The following RPS6KA2 variants were observed in gnomAD, a reference collection of about 807,000 sequenced individuals.
RPS6KA2 encodes the protein ribosomal protein S6 kinase A2.
RPS6KA2 carries 42 observed loss-of-function variants against 91.8 expected under a neutral mutation model. The observed-to-expected ratio is 0.46, with a 90% confidence interval of 0.36 to 0.59. The LOEUF (loss-of-function observed/expected upper bound fraction) is 0.59. Among genes scored for constraint, RPS6KA2 ranks in the 20% least tolerant of loss-of-function variants. The pLI is 0.00. For missense variants in RPS6KA2, 798 were observed against 978.5 expected (o/e 0.82, Z 2.46); for synonymous variants, 414 against 393.6 (o/e 1.05, Z -0.61).
rs1786876887 is a variant in RPS6KA2 at position 166,626,400 on chromosome 6, C to T, written c.99+521G>A. Among the ~76,000 whole-genome samples, 1 of 152,240 alleles carries T rather than the reference C, an allele frequency of 6.6e-6. No homozygotes were observed. The highest frequency in any genetic ancestry group is 2.4e-5 in the African/African-American group (1 of 41,472). On this transcript the variant is annotated intron_variant, in intron 1 of 20. Transcript: ENST00000265678. The surrounding 1 kb of genome is among the most constrained non-coding windows in gnomAD (Gnocchi z 4.1). ...ACGCCTAAGCAGATTGTGCTGCTGC[C>T]TGTTCTTCCCCGTTCTGTGAATTCT...
chr6:166,420,721 G>A lies in RPS6KA2; in HGVS notation c.1744-763C>T, dbSNP rs138878034. Among the ~76,000 whole-genome samples, 699 of 152,208 alleles carry A rather than the reference G, an allele frequency of 4.6e-3. 3 individuals are homozygous for A. The highest frequency in any genetic ancestry group is 0.024 in the Middle Eastern group (7 of 294). ...CATGGGTGGACACATGTCTCTTTGC[G>A]TCCCTGCCTTCAATTCTTTTGGGTA... On this transcript the variant is annotated intron_variant, in intron 17 of 20. Coordinates refer to ENST00000265678, the MANE Select transcript of RPS6KA2 (RefSeq NM_021135.6).
intron 2 of RPS6KA2, among the ~76,000 whole-genome samples, chr6:166,749,732 T>C (rs1320342473): frequency 1.7e-5 from 1 of 59,284 alleles, no homozygotes; most frequent in African/African-American, 9.0e-5. Context: ...CCCCATCCCC[T>C]TGGGCCCCTC....
At chr6:166,718,647 T>C (rs540221629) in intron 2 of RPS6KA2, among the ~76,000 whole-genome samples, 2 of 152,174 alleles carry the variant, frequency 1.3e-5, no homozygotes, top group African/African-American at 2.4e-5. Context: ...AATGAGGACA[T>C]GCACCCGAGA....
intron 9 of RPS6KA2, among the ~76,000 whole-genome samples, chr6:166,489,344 G>A (rs192839081): frequency 1.3e-3 from 200 of 152,316 alleles, no homozygotes; most frequent in African/African-American, 4.4e-3. Flanking sequence ...ACTTGGGTGC[G>A]TCTCTTCCTG....
rs147543941 is a variant in RPS6KA2, at chr6:166,556,169, G to A, written c.100-17385C>T. Among the ~76,000 whole-genome samples the A allele has an allele frequency of 1.2e-3, 184 of 152,278 alleles. 1 individual carries two copies. Among genetic ancestry groups the A allele is most frequent in the African/African-American group, 4.4e-3 (182 of 41,564 alleles). ...CTCTTTCTCTCTTCTGCAAAGTCCT[G>A]GATGGGCAGGAAATCAGGTGGCTCT... On this transcript the variant is annotated intron_variant, in intron 1 of 20. Transcript: ENST00000265678.
rs554334104 is a variant in RPS6KA2, at chr6:166,436,485, C to T, written c.1333-3995G>A. Among the ~76,000 whole-genome samples, 51 of 152,302 alleles carry T rather than the reference C, an allele frequency of 3.3e-4. No homozygotes were observed. In the Middle Eastern group the frequency reaches 0.01, roughly 30 times the overall value. ...CCTGGCTCTCAATGCCAAAGAGCTG[C>T]GCAGGGTCAGTCACAGGACCAGAAG... On this transcript the variant is annotated intron_variant, in intron 14 of 20. Coordinates refer to ENST00000265678, the MANE Select transcript of RPS6KA2 (RefSeq NM_021135.6).
intron 2 of RPS6KA2, among the ~76,000 whole-genome samples, chr6:166,652,155 G>C (rs1431214656): frequency 6.6e-6 from 1 of 152,234 alleles, no homozygotes; most frequent in African/African-American, 2.4e-5. Flanking sequence ...TTATCTCATA[G>C]AAGAAAAACA....
intron 13 of RPS6KA2, among the ~76,000 whole-genome samples, chr6:166,450,628 AG>A (rs1449479918): frequency 7.5e-5 from 10 of 132,950 alleles, no homozygotes; most frequent in African/African-American, 2.9e-4. Flanking sequence ...AGACCACCAC[AG>A]GGACCACCCC....
rs1176939320 is a variant in RPS6KA2, at chr6:166,557,077, G to T, written c.100-18293C>A. Among the ~76,000 whole-genome samples, 1 of 152,172 alleles carries T rather than the reference G, an allele frequency of 6.6e-6. No homozygotes were observed. Among genetic ancestry groups the T allele is most frequent in the African/African-American group, 2.4e-5 (1 of 41,424 alleles). ...GGGCTGACTCATCACATCCCGCCTC[G>T]CCAAACACGTTTTCTCTTCCTGTTA... On this transcript the variant is annotated intron_variant, in intron 1 of 20. Transcript: ENST00000265678. This position sits in a 1 kb window ranked among gnomAD's most constrained non-coding sequence, Gnocchi z 4.8.
intron 2 of RPS6KA2, among the ~76,000 whole-genome samples, chr6:166,829,819 A>G (rs1285169049): frequency 6.6e-6 from 1 of 151,956 alleles, no homozygotes; most frequent in Non-Finnish European, 1.5e-5. Context: ...TTAAGAAGAA[A>G]AGGAATTTGT....
chr6:166,586,699 G>A (rs1457572681), intron 1 of RPS6KA2, among the ~76,000 whole-genome samples: 1 of 152,134 alleles, frequency 6.6e-6, no homozygotes, highest in Admixed American at 6.5e-5. Context: ...TTTTAATAAG[G>A]CCCATGAACT....
At chr6:166,486,503 G>A (rs1233230411) in intron 10 of RPS6KA2, among the ~76,000 whole-genome samples, 1 of 152,244 alleles carries the variant, frequency 6.6e-6, no homozygotes, top group African/African-American at 2.4e-5. Context: ...AGCTGCCTCT[G>A]TCTGGGTGAC....
At chr6:166,589,517 G>C (rs1034989502) in intron 1 of RPS6KA2, among the ~76,000 whole-genome samples, 12 of 152,184 alleles carry the variant, frequency 7.9e-5, no homozygotes, top group Admixed American at 7.9e-4. Context: ...CCTTAGAATT[G>C]AAATCAGTTG....
intron 11 of RPS6KA2, among the ~76,000 whole-genome samples, chr6:166,464,333 T>C (rs985035686): frequency 6.6e-6 from 1 of 152,146 alleles, no homozygotes; most frequent in Non-Finnish European, 1.5e-5. Flanking sequence ...GTTTCTCCCA[T>C]CTCACAGCAT....
chr6:166,813,251 A>G (rs1177410881), intron 2 of RPS6KA2, among the ~76,000 whole-genome samples: 2 of 152,196 alleles, frequency 1.3e-5, no homozygotes, highest in African/African-American at 4.8e-5. Context: ...GTCCCACAGC[A>G]GCAGCCAGGG....
chr6:166,661,902 C>T (rs983895130), intron 2 of RPS6KA2, among the ~76,000 whole-genome samples: 6 of 152,134 alleles, frequency 3.9e-5, no homozygotes, highest in Non-Finnish European at 8.8e-5. Context: ...TTACCCATAG[C>T]CAACTTTCCC....
chr6:166,840,155 T>C (rs1033770030), intron 2 of RPS6KA2, among the ~76,000 whole-genome samples: 1 of 152,154 alleles, frequency 6.6e-6, no homozygotes, highest in Non-Finnish European at 1.5e-5. Flanking sequence ...CTCCAGCTGC[T>C]GTGTGCCTGT....
At chr6:166,787,852 C>T (rs9459753) in intron 2 of RPS6KA2, among the ~76,000 whole-genome samples, 45,149 of 151,358 alleles carry the variant, frequency 0.3, 6,925 homozygotes, top group Middle Eastern at 0.35. Flanking sequence ...AGAGCTTCTG[C>T]GCAGCAAAAG....
At chr6:166,669,751 T>A (rs942349416) in intron 2 of RPS6KA2, among the ~76,000 whole-genome samples, 1 of 152,178 alleles carries the variant, frequency 6.6e-6, no homozygotes, top group Non-Finnish European at 1.5e-5. Flanking sequence ...TGATGCTTCA[T>A]CCCAGTGGGT....
Sources: gnomAD v4.1 joint callset for allele counts (sites outside exome capture counted in the v4.1 genomes callset) on GRCh38, gnomAD v4.1.1 for gene constraint, Gnocchi (gnomAD v3.1) non-coding constraint, MANE v1.5 for transcripts, NCBI Gene and HGNC (gene_info 2026-07-23, HGNC 2026-07-21) for gene names.